Variants in HECW2 observed in about 807,000 individuals in gnomAD.
HECW2 encodes HECT, C2 and WW domain containing E3 ubiquitin protein ligase 2, also known as E3 ubiquitin-protein ligase HECW2.
A neutral mutation model predicts 175.2 loss-of-function variants in HECW2; 61 were observed. The ratio of observed to expected loss-of-function variants is 0.35; its 90% confidence interval spans 0.28 to 0.43. The LOEUF (loss-of-function observed/expected upper bound fraction) is 0.43. Among genes scored for constraint, HECW2 ranks in the 20% least tolerant of loss-of-function variants. The pLI, the probability that HECW2 is intolerant of heterozygous loss-of-function variation, is 1.00. For synonymous variants in HECW2, 671 were observed against 731.0 expected (o/e 0.92, Z 1.32); for missense variants, 1,524 against 2,000.5 (o/e 0.76, Z 4.54).
chr2:196,311,657 G>C (rs963687412), intron 10 of HECW2, among the ~76,000 whole-genome samples: 1 of 151,998 alleles, frequency 6.6e-6, no homozygotes, highest in African/African-American at 2.4e-5. Flanking sequence ...TTCAGCCAGG[G>C]GTGGTGGTGC....
At chr2:196,284,177 G>A (rs1379000070) in intron 14 of HECW2, among the ~76,000 whole-genome samples, 6 of 152,188 alleles carry the variant, frequency 3.9e-5, no homozygotes, top group Admixed American at 6.5e-5. Context: ...GGCCTCACCA[G>A]TTTCAACACT....
At position 196,319,523 on chromosome 2, in the gene HECW2, C is replaced by A; in HGVS notation, c.1367G>T (p.Arg456Ile). The A allele has an allele frequency of 6.2e-7, 1 of 1,614,158 alleles. No individual in the cohort carries two copies. The highest frequency in any genetic ancestry group is 1.1e-5 in the South Asian group (1 of 91,070). Residue 456 changes from arginine to isoleucine, a missense_variant, in exon 9 of 29, where the codon AGA becomes ATA. Around this residue, in one of 11 missense-constraint regions of HECW2, gnomAD observed 604 missense variants for 588.3 expected, o/e 1.03. Coordinates refer to ENST00000644978, the MANE Select transcript of HECW2 (RefSeq NM_001348768.2). Reference sequence around the variant, plus strand: ...ATCAATATGAAGCATGGCATTGAGTCTTGTGTCAGTGGGAAAACTACTCCT... The same window carrying A: ...ATCAATATGAAGCATGGCATTGAGTATTGTGTCAGTGGGAAAACTACTCCT... ...KLRSSFPTDT[R>I]LNAMLHIDSD...
rs114344380 is a variant in HECW2, at chr2:196,588,924, G to A, written c.-36+4584C>T. Among the ~76,000 whole-genome samples, 833 of 152,084 alleles carry A rather than the reference G, an allele frequency of 5.5e-3. 2 individuals are homozygous for A. Among genetic ancestry groups the A allele is most frequent in the Middle Eastern group, 0.01 (3 of 294 alleles). On this transcript the variant is annotated intron_variant, in intron 1 of 28. Transcript: ENST00000644978. ...TACTTATAAAAAAGATACATAGGCC[G>A]GTCACGGTGGCTCACACCTGTAATC...
chr2:196,462,217 T>A (rs1043981266), intron 1 of HECW2, among the ~76,000 whole-genome samples: 1 of 152,224 alleles, frequency 6.6e-6, no homozygotes, highest in Admixed American at 6.5e-5. Flanking sequence ...ATTCAATTTA[T>A]ATTTCAAAAT....
intron 1 of HECW2, among the ~76,000 whole-genome samples, chr2:196,523,284 G>A (rs1262831423): frequency 5.9e-5 from 9 of 151,482 alleles, no homozygotes; most frequent in Non-Finnish European, 1.2e-4. Context: ...TTTGTCTGTT[G>A]TTGGTGTATA....
At chr2:196,472,867 C>A (rs1575586846) in intron 1 of HECW2, among the ~76,000 whole-genome samples, 1 of 152,206 alleles carries the variant, frequency 6.6e-6, no homozygotes, top group Middle Eastern at 3.2e-3. Flanking sequence ...GTGATCCACC[C>A]GCCTTGGCCT....
At position 196,287,880 on chromosome 2, in the gene HECW2, C is replaced by T. The variant is rs1690449747; in HGVS notation, c.3000+4685G>A. 5 of 152,206 alleles carry T rather than the reference C, an allele frequency of 3.3e-5. No individual in the cohort carries two copies. In the South Asian group the frequency reaches 1.0e-3, roughly 32 times the overall value. 9.4% of individuals were successfully genotyped at this position (152,206 alleles called of 1,614,324 possible). On this transcript the variant is annotated intron_variant, in intron 14 of 28. Transcript: ENST00000644978. ...CTTCAACCCATCATTTAAGGCTCAC[C>T]TCAAACACTGCTGTTACTATGAAAA...
chr2:196,396,122 G>A (rs575885876), intron 2 of HECW2, among the ~76,000 whole-genome samples: 35 of 152,248 alleles, frequency 2.3e-4, no homozygotes, highest in Admixed American at 1.7e-3. Context: ...AGTCATAAAG[G>A]ACAAATATTG....
At chr2:196,559,008 AACAACCCAGGGAG>A (rs942054094) in intron 1 of HECW2, among the ~76,000 whole-genome samples, 5 of 152,200 alleles carry the variant, frequency 3.3e-5, no homozygotes, top group Admixed American at 2.6e-4. Flanking sequence ...AGAGTCTCAC[AACAACCCAGGGAG>A]ATAGAAATTA....
chr2:196,551,385 C>G (rs1020017398), intron 1 of HECW2, among the ~76,000 whole-genome samples: 1 of 152,028 alleles, frequency 6.6e-6, no homozygotes, highest in Admixed American at 6.6e-5. Flanking sequence ...TGTATGAGAC[C>G]TTAAAAGACC....
At chr2:196,548,329 CAAA>C (rs567517422) in intron 1 of HECW2, among the ~76,000 whole-genome samples, 3 of 73,858 alleles carry the variant, frequency 4.1e-5, no homozygotes, top group Non-Finnish European at 2.9e-5. Context: ...GACTCCATCT[CAAA>C]AAAAAAAAAA....
intron 10 of HECW2, among the ~76,000 whole-genome samples, chr2:196,311,523 G>A (rs1333981295): frequency 1.3e-5 from 2 of 152,146 alleles, no homozygotes; most frequent in African/African-American, 2.4e-5. Flanking sequence ...GCGGCCGGGT[G>A]CGGTGGCTCA....
At chr2:196,471,839 G>A (rs752363841) in intron 1 of HECW2, among the ~76,000 whole-genome samples, 7 of 152,094 alleles carry the variant, frequency 4.6e-5, no homozygotes, top group East Asian at 1.9e-4. Flanking sequence ...GGAGGAGGGA[G>A]AGGATCAGAA....
rs143361492 is a variant in HECW2 at position 196,318,643 on chromosome 2, A to G, written c.2247T>C (p.Ala749=). 10,789 of 1,599,026 alleles carry G rather than the reference A, an allele frequency of 6.7e-3. 62 individuals are homozygous for G. The highest frequency in any genetic ancestry group is 0.018 in the Middle Eastern group (108 of 5,970). ...CTTCTTCTTGCGGTGGGCTCTCGGC[A>G]GCAGCTGCAGCTCCCTCCAGGCTCC... The part of the protein sequence containing the change: ...RRGSLEGAAA[A]AESPPQEEGS... The change falls in exon 9 of 29, where the codon GCT becomes GCC. Residue 749 remains alanine (A), a synonymous_variant. Coordinates refer to ENST00000644978, the MANE Select transcript of HECW2 (RefSeq NM_001348768.2).
chr2:196,243,128 C>T (rs374772071), intron 19 of HECW2, among the ~76,000 whole-genome samples: 3 of 151,952 alleles, frequency 2.0e-5, no homozygotes, highest in Admixed American at 6.6e-5. Context: ...GCACAAAGTG[C>T]GCACTTGCAC....
At chr2:196,358,582 T>C (rs1369258751) in intron 2 of HECW2, among the ~76,000 whole-genome samples, 14 of 62,058 alleles carry the variant, frequency 2.3e-4, no homozygotes, top group Non-Finnish European at 2.9e-4. Context: ...CAAGACTCTG[T>C]CTCAAAAAAA....
rs1452630340 is a variant in HECW2 at position 196,320,492 on chromosome 2, G to A, written c.885-53C>T. 10 of 1,216,044 alleles carry A rather than the reference G, an allele frequency of 8.2e-6. No individual in the cohort carries two copies. The Middle Eastern group carries it at 5.6e-4, about 69-fold the overall frequency. 75.3% of individuals were successfully genotyped at this position (1,216,044 alleles called of 1,614,324 possible). A position where few individuals can be genotyped will look rare whatever the true frequency, so the allele number is the denominator to read the frequency against. ...CCTGACTACGCTGGAGTCAGCCTTC[G>A]CCGTCTTTCCACAGGCCACCCACCA... On this transcript the variant is annotated intron_variant, in intron 7 of 28. Transcript: ENST00000644978.
intron 1 of HECW2, among the ~76,000 whole-genome samples, chr2:196,449,125 A>G (rs1349870640): frequency 2.0e-5 from 3 of 152,144 alleles, no homozygotes; most frequent in Non-Finnish European, 4.4e-5. Flanking sequence ...AGATATGGGG[A>G]AAAAGGAAGA....
At chr2:196,207,454 C>A (rs1369300685) in intron 28 of HECW2, among the ~76,000 whole-genome samples, 1 of 152,070 alleles carries the variant, frequency 6.6e-6, no homozygotes. Flanking sequence ...CTTCTTAGGC[C>A]ATGAGGTTTA....
Sources: allele counts gnomAD v4.1 joint callset (sites outside exome capture counted in the v4.1 genomes callset), GRCh38; gene constraint gnomAD v4.1.1; regional missense constraint gnomAD v4.1.1; transcripts MANE v1.5; gene names NCBI Gene and HGNC (gene_info 2026-07-23, HGNC 2026-07-21).